Variants in IL12RB1 observed in about 807,000 individuals in gnomAD.
The protein encoded by IL12RB1 is interleukin 12 receptor subunit beta 1.
Under a neutral mutation model 94.4 loss-of-function variants are expected in IL12RB1, and 64 were observed. The ratio of observed to expected loss-of-function variants is 0.68; its 90% CI spans 0.55 to 0.83. The LOEUF is 0.83. IL12RB1 is among the 40% of genes least tolerant of loss of function. IL12RB1 has a pLI of 0.00. For missense variants in IL12RB1, 814 were observed against 855.6 expected (o/e 0.95, Z 0.61); for synonymous variants, 362 against 355.5 (o/e 1.02, Z -0.21).
intron 2 of IL12RB1, among the ~76,000 whole-genome samples, chr19:18,082,632 G>A (rs527771990): frequency 6.6e-6 from 1 of 152,288 alleles, no homozygotes; most frequent in African/African-American, 2.4e-5. Flanking sequence ...CTGTGGTCTT[G>A]GGAAGTTAGT....
At chr19:18,090,728 A>G (rs2036592450), upstream of IL12RB1, 1 of 151,892 alleles carries the variant, frequency 6.6e-6, no homozygotes, top group Admixed American at 6.6e-5. Flanking sequence ...CAGTGTGATT[A>G]GTCATTGTTG....
At chr19:18,087,554 G>A (rs958900367), upstream of IL12RB1, among the ~76,000 whole-genome samples, 7 of 151,382 alleles carry the variant, frequency 4.6e-5, no homozygotes, top group African/African-American at 1.7e-4. Context: ...CTTGATCTGT[G>A]GCCCAGCTGT....
At chr19:18,088,876 A>G (rs1201322459), upstream of IL12RB1, among the ~76,000 whole-genome samples, 1 of 152,102 alleles carries the variant, frequency 6.6e-6, no homozygotes, top group African/African-American at 2.4e-5. Flanking sequence ...CTAAAAATAC[A>G]AAAATTTGCC....
At chr19:18,060,149 G>C (rs2034021314) in intron 15 of IL12RB1, 64 bp from the exon 16 acceptor site, 1 of 882,146 alleles carries the variant, frequency 1.1e-6, no homozygotes, top group African/African-American at 1.7e-5. Context: ...CAGCAGGATG[G>C]AACGGACCAG....
At chr19:18,072,072 G>A (rs1307204674) in intron 9 of IL12RB1, 40 bp downstream of exon 9, 3 of 1,361,000 alleles carry the variant, frequency 2.2e-6, no homozygotes, top group African/African-American at 1.4e-5. Context: ...GCTCAGCTCT[G>A]AGGGGCCCTC....
intron 9 of IL12RB1, among the ~76,000 whole-genome samples, chr19:18,070,359 C>T (rs2034935252): frequency 6.6e-6 from 1 of 152,236 alleles, no homozygotes; most frequent in African/African-American, 2.4e-5. Flanking sequence ...TGGCAGATAC[C>T]TGGCTGCCCA....
rs976208905 is a variant in IL12RB1 at position 18,081,837 on chromosome 19, A to G, written c.239+313T>C. ...TCCATCTCAAAAAAAGAAAAAAAGA[A>G]AAAAGAAAAAATGGATGGATGGATG... On this transcript the variant is annotated intron_variant, in intron 3 of 16. Coordinates refer to ENST00000593993, the MANE Select transcript of IL12RB1 (RefSeq NM_005535.3). Among the ~76,000 whole-genome samples the G allele has an allele frequency of 2.0e-4, 27 of 137,348 alleles. 1 individual carries two copies. Among genetic ancestry groups the G allele is most frequent in the Admixed American group, 1.7e-3 (24 of 13,732 alleles). 90.1% of individuals were successfully genotyped at this position (137,348 alleles called of 152,430 possible). A position where few individuals can be genotyped will look rare whatever the true frequency, so the allele number is the denominator to read the frequency against.
intron 13 of IL12RB1, among the ~76,000 whole-genome samples, chr19:18,063,548 C>G (rs1159169380): frequency 6.6e-6 from 1 of 152,170 alleles, no homozygotes; most frequent in Non-Finnish European, 1.5e-5. Context: ...CAGTTGTAAA[C>G]AAGGGCATGG....
chr19:18,084,019 C>T (rs2036124083), intron 1 of IL12RB1, among the ~76,000 whole-genome samples: 1 of 150,500 alleles, frequency 6.6e-6, no homozygotes, highest in Non-Finnish European at 1.5e-5. Flanking sequence ...ACCCATCCAT[C>T]CATCCATCCA....
chr19:18,059,791 C>T (rs2033985203), intron 16 of IL12RB1, 103 bp downstream of exon 16: 8 of 744,854 alleles, frequency 1.1e-5, no homozygotes, highest in Non-Finnish European at 1.5e-5. Context: ...GTTTCTCCCT[C>T]AGGCCTCCAG....
upstream of IL12RB1, among the ~76,000 whole-genome samples, chr19:18,088,140 T>A (rs1232587315): frequency 2.0e-5 from 3 of 151,802 alleles, no homozygotes; most frequent in Non-Finnish European, 4.4e-5. Context: ...GTAATCCCAG[T>A]ACTTTGGGAG....
chr19:18,091,077 T>G (rs1442615440), upstream of IL12RB1, among the ~76,000 whole-genome samples: 1 of 151,960 alleles, frequency 6.6e-6, no homozygotes. Context: ...GGGCCTGGCT[T>G]TCTCCGAGGG....
At chr19:18,092,490 C>CA (rs1337747453) in intron 1 of IL12RB1, among the ~76,000 whole-genome samples, 6 of 150,792 alleles carry the variant, frequency 4.0e-5, no homozygotes, top group African/African-American at 7.3e-5. Flanking sequence ...AATTCTGTCT[C>CA]AAAAAAATAA....
At position 18,073,529 on chromosome 19, in the gene IL12RB1, G is replaced by A; in HGVS notation, c.771C>T (p.Thr257=). 6.2e-7 allele frequency: 1 copy of A among 1,607,652 alleles called. No individual in the cohort carries two copies. Among genetic ancestry groups the A allele is most frequent in the Non-Finnish European group, 8.5e-7 (1 of 1,174,424 alleles). The change falls in exon 8 of 17, where the codon ACC becomes ACT. Residue 257 remains threonine (T), a synonymous_variant. Transcript: ENST00000593993. ...QLGQDGRRRL[T]LKEQPTQLEL... ...ACAGCCCCGTTACCTGCTCTTTCAG[G>A]GTCAGCCGCCTCCTCCCATCCTGGC...
intron 14 of IL12RB1, 21 bp from the exon 15 acceptor site, chr19:18,061,218 G>GGGGA: frequency 6.6e-6 from 9 of 1,363,940 alleles, no homozygotes; most frequent in Non-Finnish European, 8.1e-6. Context: ...AAGGGGACCA[G>GGGGA]TGAGAGGAGC....
chr19:18,097,714 G>A, intron 1 of IL12RB1: 2 of 1,005,400 alleles, frequency 2.0e-6, no homozygotes, highest in African/African-American at 1.7e-5. Flanking sequence ...TGACCGGCCT[G>A]GCCAATGGCA....
intron 2 of IL12RB1, 51 bp from the exon 3 acceptor site, chr19:18,082,315 T>C: frequency 9.4e-7 from 1 of 1,066,998 alleles, no homozygotes; most frequent in Non-Finnish European, 1.4e-6. Flanking sequence ...GGAGGGGTCT[T>C]CGTGCCTAAG....
chr19:18,062,117 C>A, intron 14 of IL12RB1, 64 bp downstream of exon 14: 1 of 1,153,048 alleles, frequency 8.7e-7, no homozygotes, highest in Non-Finnish European at 1.3e-6. Flanking sequence ...CTAAGCTCCA[C>A]TTTAGGGCTC....
At chr19:18,089,353 C>T (rs1331722519), upstream of IL12RB1, among the ~76,000 whole-genome samples, 2 of 151,990 alleles carry the variant, frequency 1.3e-5, no homozygotes, top group South Asian at 2.1e-4. Context: ...GGCCCGGGCG[C>T]GGTGGCTCAC....
Sources: allele counts gnomAD v4.1 joint callset (sites outside exome capture counted in the v4.1 genomes callset), GRCh38; gene constraint gnomAD v4.1.1; transcripts MANE v1.5; gene names NCBI Gene and HGNC (gene_info 2026-07-23, HGNC 2026-07-21).